Variants in FER observed in about 807,000 individuals in gnomAD.
FER encodes tyrosine-protein kinase Fer.
A neutral mutation model predicts 111.0 loss-of-function variants in FER; 63 were observed. That is an observed-to-expected ratio of 0.57 (90% CI 0.46 to 0.70). The LOEUF (loss-of-function observed/expected upper bound fraction) is 0.70, where lower values mean the gene tolerates loss of function less well. Among genes scored for constraint, FER ranks in the 30% least tolerant of loss-of-function variants. FER has a pLI of 0.00. For missense variants in FER, 914 were observed against 954.0 expected, an observed-to-expected ratio of 0.96 and a Z score of 0.55; for synonymous variants, 327 against 313.9, an observed-to-expected ratio of 1.04 and a Z score of -0.44.
chr5:109,035,087 G>A (rs1176091192), intron 13 of FER, among the ~76,000 whole-genome samples: 2 of 142,668 alleles, frequency 1.4e-5, no homozygotes, highest in African/African-American at 2.6e-5. Flanking sequence ...AGGCTGGAGT[G>A]CAGTGGCGCA....
intron 10 of FER, among the ~76,000 whole-genome samples, chr5:108,943,557 C>T (rs985159246): frequency 3.3e-5 from 5 of 152,034 alleles, no homozygotes; most frequent in Non-Finnish European, 7.4e-5. Context: ...AATTCTTGCC[C>T]TTTATATCTT....
intron 5 of FER, among the ~76,000 whole-genome samples, chr5:108,848,276 A>G (rs986349468): frequency 6.6e-6 from 1 of 152,178 alleles, no homozygotes; most frequent in African/African-American, 2.4e-5. Context: ...TTGTTTCTTG[A>G]TAATCCTTAC....
At chr5:109,132,429 C>G (rs1211998904) in intron 17 of FER, among the ~76,000 whole-genome samples, 1 of 152,084 alleles carries the variant, frequency 6.6e-6, no homozygotes, top group Admixed American at 6.6e-5. Flanking sequence ...ACAAAAATTC[C>G]TTCATTATAG....
At chr5:108,963,135 A>G (rs1561684873) in intron 13 of FER, among the ~76,000 whole-genome samples, 1 of 152,224 alleles carries the variant, frequency 6.6e-6, no homozygotes, top group Non-Finnish European at 1.5e-5. Flanking sequence ...TTTAAGAAAG[A>G]CATCTAGTTT....
rs972525982 is a variant in FER at position 108,819,688 on chromosome 5, G to T, written c.208-13082G>T. The stretch of plus-strand genomic sequence containing the variant: ...CAAAGTTAGCTTTAATAGGAGTCAG[G>T]TTGGAAAGAACTAATGGAGACCATC... On this transcript the variant is annotated intron_variant, in intron 3 of 19. Transcript: ENST00000281092. 9 of 612,836 alleles carry T rather than the reference G, an allele frequency of 1.5e-5. No individual in the cohort carries two copies. The South Asian group carries it at 4.3e-4, about 29-fold the overall frequency. 38.0% of individuals were successfully genotyped at this position (612,836 alleles called of 1,614,324 possible). A position where few individuals can be genotyped will look rare whatever the true frequency, so the allele number is the denominator to read the frequency against.
At chr5:109,122,927 C>T (rs1205903397) in intron 17 of FER, among the ~76,000 whole-genome samples, 1 of 152,038 alleles carries the variant, frequency 6.6e-6, no homozygotes, top group Non-Finnish European at 1.5e-5. Context: ...TATCTTTTTT[C>T]ATCCTTTTAT....
chr5:109,179,436 A>G (rs1373578981), intron 17 of FER, among the ~76,000 whole-genome samples: 2 of 152,184 alleles, frequency 1.3e-5, no homozygotes, highest in Non-Finnish European at 2.9e-5. Context: ...CTTTTTCTGC[A>G]TCAGTTGGAA....
intron 9 of FER, among the ~76,000 whole-genome samples, chr5:108,889,141 A>G (rs192915466): frequency 6.6e-6 from 1 of 152,078 alleles, no homozygotes; most frequent in African/African-American, 2.4e-5. Context: ...ACTATGGAGA[A>G]CAGTTTGGAG....
At chr5:108,922,039 C>T (rs1753089167) in intron 10 of FER, among the ~76,000 whole-genome samples, 1 of 152,134 alleles carries the variant, frequency 6.6e-6, no homozygotes, top group South Asian at 2.1e-4. Flanking sequence ...AGAAGAGAGG[C>T]TGACATACAG....
At chr5:108,889,009 A>G (rs949152471) in intron 9 of FER, among the ~76,000 whole-genome samples, 1 of 151,934 alleles carries the variant, frequency 6.6e-6, no homozygotes, top group Non-Finnish European at 1.5e-5. Context: ...AGCATGGTAC[A>G]ATACAGTAGA....
intron 1 of FER, among the ~76,000 whole-genome samples, chr5:108,751,123 C>G (rs551401926): frequency 6.6e-6 from 1 of 152,016 alleles, no homozygotes; most frequent in Non-Finnish European, 1.5e-5. Flanking sequence ...ACCCGTGAGG[C>G]GGAGGTTGTG....
intron 11 of FER, among the ~76,000 whole-genome samples, chr5:108,953,322 T>A (rs1758007302): frequency 6.6e-6 from 1 of 151,978 alleles, no homozygotes. Context: ...ATAAAATATA[T>A]ATGTTAAATA....
At chr5:108,897,935 A>G in intron 10 of FER, 87 bp downstream of exon 10, 7 of 1,168,920 alleles carry the variant, frequency 6.0e-6, no homozygotes, top group Non-Finnish European at 8.3e-6. Context: ...ATTTGCTATA[A>G]CAAATTGTTA....
rs150294938 is a variant in FER at position 108,971,373 on chromosome 5, T to C, written c.1656+12026T>C. 6.1e-3 allele frequency among the ~76,000 whole-genome samples: 896 copies of C among 147,968 alleles called. 5 individuals carry two copies. Among genetic ancestry groups the C allele is most frequent in the African/African-American group, 0.021 (859 of 40,394 alleles). On this transcript the variant is annotated intron_variant, in intron 13 of 19. Transcript: ENST00000281092. ...AGGAATTCAGAAATAGTAAATAAAA[T>C]ACAGGCTTCTAATGGCCTATGTATA...
intron 17 of FER, among the ~76,000 whole-genome samples, chr5:109,123,274 G>A (rs773601471): frequency 6.6e-6 from 1 of 150,606 alleles, no homozygotes; most frequent in Non-Finnish European, 1.5e-5. Context: ...TCCTGCCTCA[G>A]CCTCCTGAGT....
Position 109,138,103 on chromosome 5 carries a change from A to G in FER, c.2048+37584A>G, listed in dbSNP as rs577052744. ...CAGGAACTATAGGAGAGAATGCCAT[A>G]TGTAGGGCTGGAACAAAGCATGTAC... On this transcript the variant is annotated intron_variant, in intron 17 of 19. Transcript: ENST00000281092. Among the ~76,000 whole-genome samples the G allele has an allele frequency of 6.6e-5, 10 of 152,288 alleles. No individual in the cohort carries two copies. The South Asian group carries it at 1.9e-3, about 28-fold the overall frequency.
At chr5:108,913,471 A>G (rs1751840461) in intron 10 of FER, among the ~76,000 whole-genome samples, 1 of 152,226 alleles carries the variant, frequency 6.6e-6, no homozygotes, top group African/African-American at 2.4e-5. Flanking sequence ...CTTGACTAAC[A>G]TAGCTATCAT....
chr5:109,061,520 T>G (rs1451922593), intron 16 of FER, among the ~76,000 whole-genome samples: 1 of 152,210 alleles, frequency 6.6e-6, no homozygotes, highest in East Asian at 1.9e-4. Context: ...CTAATAGTAC[T>G]CTATTTCTAC....
intron 2 of FER, among the ~76,000 whole-genome samples, chr5:108,768,453 A>G (rs186674955): frequency 1.3e-5 from 2 of 152,212 alleles, no homozygotes; most frequent in Non-Finnish European, 2.9e-5. Context: ...ATTTTTCTCA[A>G]CTAACACTTA....
Sources: allele counts gnomAD v4.1 joint callset (sites outside exome capture counted in the v4.1 genomes callset), GRCh38; gene constraint gnomAD v4.1.1; transcripts MANE v1.5; gene names NCBI Gene and HGNC (gene_info 2026-07-23, HGNC 2026-07-21).